CDH12: variants seen among roughly 807,000 people sequenced by gnomAD.
CDH12 encodes cadherin-12.
CDH12 carries 41 observed loss-of-function variants against 74.1 expected under a neutral mutation model. The observed-to-expected ratio is 0.55, with a 90% CI of 0.43 to 0.72. The LOEUF is 0.72. CDH12 is among the 30% of genes least tolerant of loss of function. The probability of loss-of-function intolerance (pLI) is 0.00; values close to 1 mark genes in which losing one functional copy is unlikely to be tolerated. For missense variants in CDH12, 945 were observed against 977.2 expected (o/e 0.97, Z 0.44); for synonymous variants, 399 against 355.0 (o/e 1.12, Z -1.39).
chr5:21,800,144 T>C (rs1354553705), intron 10 of CDH12, among the ~76,000 whole-genome samples: 1 of 152,158 alleles, frequency 6.6e-6, no homozygotes, highest in Non-Finnish European at 1.5e-5. Context: ...ATTTATTTGG[T>C]TTCACAGCTG....
chr5:22,695,740 T>C (rs903732582), intron 1 of CDH12, among the ~76,000 whole-genome samples: 1 of 152,212 alleles, frequency 6.6e-6, no homozygotes, highest in African/African-American at 2.4e-5. Flanking sequence ...AATCTTGGCA[T>C]TTGCATAACA....
At chr5:22,265,447 T>G (rs1456798106) in intron 3 of CDH12, among the ~76,000 whole-genome samples, 2 of 152,210 alleles carry the variant, frequency 1.3e-5, no homozygotes, top group African/African-American at 4.8e-5. Context: ...ACTACTAGGC[T>G]TGTTACTATA....
At chr5:22,602,288 C>A (rs1561521088) in intron 1 of CDH12, among the ~76,000 whole-genome samples, 1 of 152,088 alleles carries the variant, frequency 6.6e-6, no homozygotes, top group African/African-American at 2.4e-5. Flanking sequence ...TACCAAGTGA[C>A]AGACTCAGTG....
At chr5:22,383,318 A>T (rs1346478552) in intron 3 of CDH12, among the ~76,000 whole-genome samples, 1 of 152,226 alleles carries the variant, frequency 6.6e-6, no homozygotes, top group Non-Finnish European at 1.5e-5. Flanking sequence ...GAGCACACGT[A>T]AGTCCAATGG....
intron 1 of CDH12, among the ~76,000 whole-genome samples, chr5:22,660,773 A>T (rs544907672): frequency 4.6e-5 from 7 of 152,182 alleles, no homozygotes; most frequent in Non-Finnish European, 1.0e-4. Context: ...TTTACTCAAT[A>T]ATTTAAATAC....
At chr5:22,420,946 T>C (rs1211138236) in intron 2 of CDH12, among the ~76,000 whole-genome samples, 1 of 152,148 alleles carries the variant, frequency 6.6e-6, no homozygotes, top group Non-Finnish European at 1.5e-5. Flanking sequence ...ATTCTTTTTG[T>C]AGCAATTGTG....
intron 2 of CDH12, among the ~76,000 whole-genome samples, chr5:22,465,384 C>A (rs1745685975): frequency 6.6e-6 from 1 of 152,164 alleles, no homozygotes; most frequent in Non-Finnish European, 1.5e-5. Context: ...ATGGCTCATG[C>A]CTGTAATCCC....
chr5:22,806,287 G>C (rs1460956043), intron 1 of CDH12, among the ~76,000 whole-genome samples: 1 of 151,820 alleles, frequency 6.6e-6, no homozygotes, highest in African/African-American at 2.4e-5. Context: ...AGTGTAAAAG[G>C]GTTCCTATTT....
At chr5:22,470,824 C>CT (rs1194039867) in intron 2 of CDH12, among the ~76,000 whole-genome samples, 3 of 148,766 alleles carry the variant, frequency 2.0e-5, no homozygotes, top group Admixed American at 6.7e-5. Flanking sequence ...CTTCTGAGCC[C>CT]TTTTTTTTCC....
intron 3 of CDH12, among the ~76,000 whole-genome samples, chr5:22,303,485 C>T (rs1737978873): frequency 6.6e-6 from 1 of 151,942 alleles, no homozygotes; most frequent in Non-Finnish European, 1.5e-5. Context: ...ATTTTTCTAA[C>T]TGGGGAGTGA....
intron 3 of CDH12, among the ~76,000 whole-genome samples, chr5:22,321,900 T>G (rs1738900192): frequency 6.6e-6 from 1 of 152,188 alleles, no homozygotes; most frequent in African/African-American, 2.4e-5. Flanking sequence ...AGGTAATTTA[T>G]GAGAGTAAAA....
intron 3 of CDH12, among the ~76,000 whole-genome samples, chr5:22,291,937 A>G (rs768523571): frequency 3.3e-5 from 5 of 152,182 alleles, no homozygotes; most frequent in Non-Finnish European, 7.4e-5. Context: ...GCATTATACC[A>G]CCTGACTTCA....
At chr5:22,197,215 G>T (rs552217418) in intron 4 of CDH12, among the ~76,000 whole-genome samples, 1 of 152,086 alleles carries the variant, frequency 6.6e-6, no homozygotes, top group Admixed American at 6.6e-5. Flanking sequence ...GAGGCCAAAG[G>T]GGGAGGATCA....
intron 9 of CDH12, among the ~76,000 whole-genome samples, chr5:21,807,891 G>C (rs554513004): frequency 2.0e-5 from 3 of 152,174 alleles, no homozygotes; most frequent in Non-Finnish European, 4.4e-5. Flanking sequence ...TTGACATTGA[G>C]TTAATTAAGG....
intron 1 of CDH12, among the ~76,000 whole-genome samples, chr5:22,681,228 G>GT (rs869281805): frequency 0.11 from 11,464 of 105,656 alleles, 576 homozygotes; most frequent in East Asian, 0.2. Context: ...GGTATTGGGG[G>GT]GTGTGTGTGT....
intron 5 of CDH12, among the ~76,000 whole-genome samples, chr5:22,048,972 C>T (rs1378325703): frequency 6.6e-6 from 1 of 151,928 alleles, no homozygotes; most frequent in Non-Finnish European, 1.5e-5. Context: ...CAAAAAGAAA[C>T]TATATTTTTA....
chr5:22,252,548 T>C (rs1427670127), intron 3 of CDH12, among the ~76,000 whole-genome samples: 4 of 152,052 alleles, frequency 2.6e-5, no homozygotes, highest in African/African-American at 4.8e-5. Context: ...CTAAAGTTTA[T>C]ACTTTATATT....
At chr5:22,050,883 T>C (rs559272746) in intron 5 of CDH12, among the ~76,000 whole-genome samples, 16 of 152,116 alleles carry the variant, frequency 1.1e-4, no homozygotes, top group Non-Finnish European at 1.8e-4. Context: ...AAAAATAACA[T>C]GTTAAAATGC....
chr5:22,280,725 T>C (rs1362039195), intron 3 of CDH12, among the ~76,000 whole-genome samples: 4 of 152,108 alleles, frequency 2.6e-5, no homozygotes, highest in African/African-American at 9.7e-5. Context: ...ATTGAGGCAA[T>C]AATTAATAGC....
Sources: allele counts gnomAD v4.1 joint callset (sites outside exome capture counted in the v4.1 genomes callset), GRCh38; gene constraint gnomAD v4.1.1; transcripts MANE v1.5; gene names NCBI Gene and HGNC (gene_info 2026-07-23, HGNC 2026-07-21).